HMCN2: variants seen among roughly 807,000 people sequenced by gnomAD.
HMCN2 encodes the protein hemicentin-2.
Under a neutral mutation model 377.5 loss-of-function variants are expected in HMCN2, and 325 were observed. That is an observed-to-expected ratio of 0.86 (90% CI 0.79 to 0.94). The LOEUF (loss-of-function observed/expected upper bound fraction) is 0.94, where lower values mean the gene tolerates loss of function less well. Ranked by LOEUF, HMCN2 falls within the 40% of genes least tolerant of loss-of-function variation. The probability of loss-of-function intolerance (pLI) is 0.00; values close to 1 mark genes in which losing one functional copy is unlikely to be tolerated. For synonymous variants in HMCN2, 2,007 were observed against 2,046.8 expected, an observed-to-expected ratio of 0.98 and a Z score of 0.53; for missense variants, 4,543 against 4,725.3, an observed-to-expected ratio of 0.96 and a Z score of 1.13.
intron 8 of HMCN2, among the ~76,000 whole-genome samples, chr9:130,299,731 C>T (rs1359769757): frequency 6.7e-6 from 1 of 148,264 alleles, no homozygotes; most frequent in Non-Finnish European, 1.5e-5. Context: ...ACTCACCCAT[C>T]CACCCACCCA....
chr9:130,406,509 T>C, intron 82 of HMCN2: 1 of 272,338 alleles, frequency 3.7e-6, no homozygotes, highest in Non-Finnish European at 7.3e-6. Context: ...GTGGGGACTC[T>C]GTCCTCCTAC....
Position 130,369,420 on chromosome 9 carries a change from G to C in HMCN2, c.6788-150G>C. 3.9e-6 allele frequency: 1 copy of C among 254,160 alleles called. No individual in the cohort carries two copies. The highest frequency in any genetic ancestry group is 6.2e-6 in the Non-Finnish European group (1 of 161,244). 15.7% of individuals were successfully genotyped at this position (254,160 alleles called of 1,614,324 possible). Reference sequence around the variant, plus strand: ...AGTAGGGTGCTGTTATGACCCCATTGTTGGGAAGGAAAATGGAGGTGAGGT... The same window carrying C: ...AGTAGGGTGCTGTTATGACCCCATTCTTGGGAAGGAAAATGGAGGTGAGGT... On this transcript the variant is annotated intron_variant, in intron 44 of 97. Transcript: ENST00000683500. The surrounding 1 kb of genome is among the most constrained non-coding windows in gnomAD (Gnocchi z 4.5).
chr9:130,392,803 T>C (rs147050620), intron 66 of HMCN2, among the ~76,000 whole-genome samples: 2,832 of 152,194 alleles, frequency 0.019, 29 homozygotes, highest in Non-Finnish European at 0.026. Flanking sequence ...AAGACCATCC[T>C]GGCTAACACG....
intron 62 of HMCN2, among the ~76,000 whole-genome samples, chr9:130,390,055 G>A (rs1842224628): frequency 6.6e-6 from 1 of 152,176 alleles, no homozygotes; most frequent in Non-Finnish European, 1.5e-5. Context: ...TCGTGTTTCT[G>A]TGTGGACCTG....
At chr9:130,281,531 G>T (rs1017820531) in intron 1 of HMCN2, among the ~76,000 whole-genome samples, 23 of 152,036 alleles carry the variant, frequency 1.5e-4, no homozygotes, top group African/African-American at 5.6e-4. Context: ...CTGGGAACTG[G>T]AGGTTGCAGT....
At chr9:130,363,533 T>C (rs1840498382) in intron 40 of HMCN2, among the ~76,000 whole-genome samples, 5 of 152,220 alleles carry the variant, frequency 3.3e-5, no homozygotes, top group Admixed American at 2.6e-4. Context: ...TAAGAAAGAA[T>C]GCTGGGAGCT....
chr9:130,280,737 A>G (rs1406727185), intron 1 of HMCN2, among the ~76,000 whole-genome samples: 3 of 152,356 alleles, frequency 2.0e-5, no homozygotes, highest in Admixed American at 6.5e-5. Flanking sequence ...AGATGTATTT[A>G]TACATTTAAA....
intron 1 of HMCN2, among the ~76,000 whole-genome samples, chr9:130,277,098 G>A (rs980753876): frequency 6.6e-6 from 1 of 152,232 alleles, no homozygotes; most frequent in Non-Finnish European, 1.5e-5. Context: ...TGGGTGAGGG[G>A]TTAGGCCGTT....
chr9:130,350,730 C>CAAAA lies in HMCN2; in HGVS notation c.4431-691_4431-688dup, dbSNP rs145043349. 7.4e-4 allele frequency among the ~76,000 whole-genome samples: 110 copies of CAAAA among 148,216 alleles called. 3 individuals are homozygous for CAAAA. The highest frequency in any genetic ancestry group is 5.7e-3 in the Admixed American group (86 of 14,990). ...TGAAACCTCGTCTCTACTAAAAATA[C>CAAAA]AAAAATATATATATATATATACGGG... On this transcript the variant is annotated intron_variant, in intron 29 of 97. Coordinates refer to ENST00000683500, the MANE Select transcript of HMCN2 (RefSeq NM_001291815.2).
At chr9:130,311,002 G>C (rs1837216337) in intron 15 of HMCN2, among the ~76,000 whole-genome samples, 1 of 152,188 alleles carries the variant, frequency 6.6e-6, no homozygotes, top group Admixed American at 6.5e-5. Flanking sequence ...CAGATGTGGA[G>C]TCCAAATTCC....
chr9:130,338,281 A>G (rs1838864426), intron 23 of HMCN2: 1 of 152,430 alleles, frequency 6.6e-6, no homozygotes, highest in South Asian at 2.1e-4. Context: ...GGCCCCCAAC[A>G]ACACAGGGCA....
In HMCN2 at chr9:130,347,068, C is replaced by G. The variant is rs1267482166; in HGVS notation, c.3830-98C>G. The G allele has an allele frequency of 6.6e-6, 1 of 152,308 alleles. No homozygotes were observed. Among genetic ancestry groups the G allele is most frequent in the Non-Finnish European group, 1.5e-5 (1 of 68,152 alleles). 9.4% of individuals were successfully genotyped at this position (152,308 alleles called of 1,614,324 possible). ...GTGCCTGGAGTCATCGCTGGACCGT[C>G]AGCCCCTTTTGCACAGGAGAGACAT... On this transcript the variant is annotated intron_variant, in intron 25 of 97. Coordinates refer to ENST00000683500, the MANE Select transcript of HMCN2 (RefSeq NM_001291815.2). The surrounding 1 kb of genome is among the most constrained non-coding windows in gnomAD (Gnocchi z 5.1).
At chr9:130,390,410 G>T (rs1296039742) in intron 62 of HMCN2, among the ~76,000 whole-genome samples, 3 of 152,222 alleles carry the variant, frequency 2.0e-5, no homozygotes, top group African/African-American at 7.2e-5. Flanking sequence ...CTCTGCGCTG[G>T]ACATGGGGCA....
intron 86 of HMCN2, chr9:130,419,365 C>T (rs531838073): frequency 1.0e-4 from 23 of 224,724 alleles, no homozygotes; most frequent in Middle Eastern, 1.4e-3. Flanking sequence ...CCGGTGCCCT[C>T]GGGGGCTGCT....
intron 6 of HMCN2, among the ~76,000 whole-genome samples, chr9:130,296,318 T>G (rs544473243): frequency 3.3e-4 from 51 of 152,298 alleles, no homozygotes; most frequent in African/African-American, 1.2e-3. Context: ...TACCACCTCC[T>G]GCCTTTCAAA....
chr9:130,398,661 A>G lies in HMCN2; in HGVS notation c.11437A>G (p.Lys3813Glu), dbSNP rs750528137. ...CCCTAAGCCCCTGGTGGTCTGGTGG[A>G]AGGACGGACAGAAGCTGGACTTCCG... ...GSPKPLVVWW[K>E]DGQKLDFRLQ... The change falls in exon 75 of 98, where the codon AAG becomes GAG. Residue 3813 changes from lysine to glutamate, a missense_variant. Coordinates refer to ENST00000683500, the MANE Select transcript of HMCN2 (RefSeq NM_001291815.2). 7.8e-7 allele frequency: 1 copy of G among 1,289,576 alleles called. No homozygotes were observed. Among genetic ancestry groups the G allele is most frequent in the Non-Finnish European group, 1.0e-6 (1 of 988,666 alleles). The allele number at this position is 1,289,576 out of a possible 1,614,324, so 79.9% of individuals were successfully genotyped here. A position where few individuals can be genotyped will look rare whatever the true frequency, so the allele number is the denominator to read the frequency against.
intron 15 of HMCN2, among the ~76,000 whole-genome samples, chr9:130,311,938 T>C (rs1290762082): frequency 6.6e-6 from 1 of 152,104 alleles, no homozygotes; most frequent in East Asian, 1.9e-4. Context: ...GGCCATGGGC[T>C]CAGGAGCCTG....
chr9:130,272,770 T>G (rs1198633144), intron 1 of HMCN2, among the ~76,000 whole-genome samples: 2 of 150,838 alleles, frequency 1.3e-5, no homozygotes, highest in Non-Finnish European at 3.0e-5. Flanking sequence ...ATTGCCCAGG[T>G]TGGTCTTGAA....
intron 78 of HMCN2, 74 bp downstream of exon 78, chr9:130,402,970 C>T (rs561162055): frequency 8.5e-7 from 1 of 1,180,264 alleles, no homozygotes; most frequent in South Asian, 1.3e-5. Context: ...GCAGGTGGGG[C>T]TCAGGATGGA....
Sources: allele counts gnomAD v4.1 joint callset (sites outside exome capture counted in the v4.1 genomes callset), GRCh38; gene constraint gnomAD v4.1.1; non-coding constraint Gnocchi (gnomAD v3.1); transcripts MANE v1.5; gene names NCBI Gene and HGNC (gene_info 2026-07-23, HGNC 2026-07-21).